Variants in BMPR2 observed in about 807,000 individuals in gnomAD.
The protein encoded by BMPR2 is bone morphogenetic protein receptor type-2.
In BMPR2, 29 loss-of-function variants were observed where a neutral mutation model predicts 100.8. The observed-to-expected ratio is 0.29, with a 90% CI of 0.21 to 0.39. The LOEUF is 0.39. Among genes scored for constraint, BMPR2 ranks in the 10% least tolerant of loss-of-function variants. The pLI is 1.00. For missense variants in BMPR2, 1,011 were observed against 1,274.5 expected (o/e 0.79, Z 3.15); for synonymous variants, 382 against 442.3 (o/e 0.86, Z 1.71).
intron 1 of BMPR2, among the ~76,000 whole-genome samples, chr2:202,390,742 T>C (rs537990553): frequency 6.6e-6 from 1 of 152,272 alleles, no homozygotes; most frequent in Non-Finnish European, 1.5e-5. Flanking sequence ...CCTTTAATTA[T>C]TAGTGGAGCC....
Position 202,415,799 on chromosome 2 carries a change from A to C in BMPR2, c.76+38249A>C, listed in dbSNP as rs371038076. On this transcript the variant is annotated intron_variant, in intron 1 of 12. Coordinates refer to ENST00000374580, the MANE Select transcript of BMPR2 (RefSeq NM_001204.7). ...TTTCAAAATATTACTGATCATTGACAATGCACCCGATCACCCAAGAGCTCT... is the reference window on the plus strand; with the variant it reads ...TTTCAAAATATTACTGATCATTGACCATGCACCCGATCACCCAAGAGCTCT... Among the ~76,000 whole-genome samples the C allele has an allele frequency of 9.2e-5, 14 of 152,336 alleles. 1 individual carries two copies. The East Asian group carries it at 1.9e-3, about 21-fold the overall frequency.
At chr2:202,391,547 G>A (rs1690549388) in intron 1 of BMPR2, among the ~76,000 whole-genome samples, 1 of 149,950 alleles carries the variant, frequency 6.7e-6, no homozygotes, top group South Asian at 2.1e-4. Flanking sequence ...TTGCCTTGGC[G>A]TCCCAAAGTC....
chr2:202,396,455 A>G (rs1690657668), intron 1 of BMPR2, among the ~76,000 whole-genome samples: 1 of 152,186 alleles, frequency 6.6e-6, no homozygotes, highest in Non-Finnish European at 1.5e-5. Context: ...TGTGCATGTA[A>G]GAGCTCAATG....
chr2:202,457,832 C>A (rs992734305), intron 1 of BMPR2, among the ~76,000 whole-genome samples: 2 of 151,984 alleles, frequency 1.3e-5, no homozygotes, highest in Admixed American at 6.6e-5. Flanking sequence ...GGGGTTCAAG[C>A]GATTCTCCTG....
intron 1 of BMPR2, among the ~76,000 whole-genome samples, chr2:202,440,527 C>T (rs539356889): frequency 2.7e-5 from 4 of 148,822 alleles, no homozygotes; most frequent in South Asian, 4.2e-4. Context: ...AGATGATGGG[C>T]GGCCAGGCAG....
intron 1 of BMPR2, among the ~76,000 whole-genome samples, chr2:202,429,901 A>C (rs755985304): frequency 1.3e-5 from 2 of 152,134 alleles, no homozygotes; most frequent in Non-Finnish European, 2.9e-5. Flanking sequence ...CCCTCCCTTG[A>C]CACGTGGGGA....
In BMPR2 at chr2:202,527,817, T is replaced by A. The variant is rs528528232; in HGVS notation, c.968-2977T>A. Among the ~76,000 whole-genome samples the A allele has an allele frequency of 3.1e-3, 466 of 151,788 alleles. 1 individual carries two copies. The highest frequency in any genetic ancestry group is 0.01 in the African/African-American group (429 of 41,478). Reference sequence around the variant, plus strand: ...TCAAAAAAAAATAATAATAAAAAAATAAATAAATAAATAAAAAATATTCCC... The same window carrying A: ...TCAAAAAAAAATAATAATAAAAAAAAAAATAAATAAATAAAAAATATTCCC... On this transcript the variant is annotated intron_variant, in intron 7 of 12. Coordinates refer to ENST00000374580, the MANE Select transcript of BMPR2 (RefSeq NM_001204.7).
intron 3 of BMPR2, among the ~76,000 whole-genome samples, chr2:202,507,027 C>T (rs556594268): frequency 2.7e-5 from 4 of 148,320 alleles, no homozygotes. Flanking sequence ...GACCCGAGAT[C>T]GTGCCATTGG....
At chr2:202,425,488 C>T (rs965633312) in intron 1 of BMPR2, among the ~76,000 whole-genome samples, 2 of 152,168 alleles carry the variant, frequency 1.3e-5, no homozygotes, top group African/African-American at 4.8e-5. Context: ...AATCTGTTTA[C>T]ACATTGAGTT....
At chr2:202,393,849 A>G in intron 1 of BMPR2, among the ~76,000 whole-genome samples, 1 of 148,060 alleles carries the variant, frequency 6.8e-6, no homozygotes, top group East Asian at 2.1e-4. Context: ...TTTGTTGTTT[A>G]GAAGATGGCA....
intron 3 of BMPR2, among the ~76,000 whole-genome samples, chr2:202,507,493 A>G (rs1687542886): frequency 6.6e-6 from 1 of 152,174 alleles, no homozygotes; most frequent in South Asian, 2.1e-4. Flanking sequence ...GGGCATGAGC[A>G]GTCCTCCTGC....
chr2:202,440,793 G>A lies in BMPR2; in HGVS notation c.77-24016G>A, dbSNP rs112226739. Among the ~76,000 whole-genome samples the A allele has an allele frequency of 4.0e-3, 606 of 150,374 alleles. 47 individuals are homozygous for A. The highest frequency in any genetic ancestry group is 0.013 in the African/African-American group (510 of 39,848). ...GCATCAGAGGGAGACCGGGGAGACC[G>A]GGGAGACCGGGGAGACTGGGGAGAG... On this transcript the variant is annotated intron_variant, in intron 1 of 12. Coordinates refer to ENST00000374580, the MANE Select transcript of BMPR2 (RefSeq NM_001204.7).
At chr2:202,477,601 AATATG>A (rs1692575605) in intron 3 of BMPR2, among the ~76,000 whole-genome samples, 1 of 152,182 alleles carries the variant, frequency 6.6e-6, no homozygotes, top group South Asian at 2.1e-4. Context: ...CAGCCTGGCC[AATATG>A]ATGAAACCCA....
chr2:202,465,070 C>G (rs905150235), intron 2 of BMPR2, 91 bp downstream of exon 2: 3 of 1,488,180 alleles, frequency 2.0e-6, no homozygotes, highest in Non-Finnish European at 2.8e-6. Context: ...AAATCCTGTT[C>G]AGAAAAACAG....
chr2:202,416,111 A>G lies in BMPR2; in HGVS notation c.76+38561A>G, dbSNP rs76162221. Among the ~76,000 whole-genome samples, 240 of 152,214 alleles carry G rather than the reference A, an allele frequency of 1.6e-3. 1 individual carries two copies. Among genetic ancestry groups the G allele is most frequent in the African/African-American group, 5.2e-3 (215 of 41,554 alleles). ...AGGAATTTGGAAGAAGTTGATTCCA[A>G]CCTTTATGGATGACTTTGATAGGTT... is the stretch of plus-strand genomic sequence containing the variant. On this transcript the variant is annotated intron_variant, in intron 1 of 12. Transcript: ENST00000374580.
chr2:202,473,516 C>T (rs1444367077), intron 3 of BMPR2, among the ~76,000 whole-genome samples: 2 of 152,130 alleles, frequency 1.3e-5, no homozygotes, highest in South Asian at 4.2e-4. Context: ...ACTGGCCAGG[C>T]GCGGTGGCTT....
rs1687768479 is a variant in BMPR2 at position 202,518,875 on chromosome 2, T to A, written c.675T>A (p.Arg225=). The A allele has an allele frequency of 6.2e-7, 1 of 1,614,102 alleles. No individual in the cohort carries two copies. The highest frequency in any genetic ancestry group is 8.5e-7 in the Non-Finnish European group (1 of 1,180,048). Residue 225 remains arginine, a synonymous_variant, in exon 6 of 13, where the codon CGT becomes CGA. Coordinates refer to ENST00000374580, the MANE Select transcript of BMPR2 (RefSeq NM_001204.7). ...GAVYKGSLDE[R]PVAVKVFSFA... ...TATATAAAGGCTCCTTGGATGAGCG[T>A]CCAGTTGCTGTAAAAGTGTTTTCCT...
rs545128566 is a variant in BMPR2 at position 202,436,376 on chromosome 2, A to T, written c.77-28433A>T. On this transcript the variant is annotated intron_variant, in intron 1 of 12. Coordinates refer to ENST00000374580, the MANE Select transcript of BMPR2 (RefSeq NM_001204.7). Reference sequence around the variant, plus strand: ...TGGGAGGATCACCTGAGCCTAGGTGATTGAGGCTGCAGTGAGCCCTGATTG... The same window carrying T: ...TGGGAGGATCACCTGAGCCTAGGTGTTTGAGGCTGCAGTGAGCCCTGATTG... Among the ~76,000 whole-genome samples the T allele has an allele frequency of 1.4e-3, 203 of 149,562 alleles. 3 individuals carry two copies. The highest frequency in any genetic ancestry group is 2.4e-3 in the Non-Finnish European group (160 of 67,834).
Position 202,492,657 on chromosome 2 carries a change from GCC to G in BMPR2, c.419-21061_419-21060del, listed in dbSNP as rs1559054710. Among the ~76,000 whole-genome samples, 4 of 126,254 alleles carry G rather than the reference GCC, an allele frequency of 3.2e-5. No homozygotes were observed. The East Asian group carries it at 9.6e-4, about 30-fold the overall frequency. 82.8% of individuals were successfully genotyped at this position (126,254 alleles called of 152,430 possible). A position where few individuals can be genotyped will look rare whatever the true frequency, so the allele number is the denominator to read the frequency against. The stretch of plus-strand genomic sequence containing the variant: ...AGAGGTTGCAGTAAACAGAGATCCC[GCC>G]ATTGCACTCTAGCCTGGGCGACAAT... On this transcript the variant is annotated intron_variant, in intron 3 of 12. Coordinates refer to ENST00000374580, the MANE Select transcript of BMPR2 (RefSeq NM_001204.7).
Sources: gnomAD v4.1 joint callset for allele counts (sites outside exome capture counted in the v4.1 genomes callset) on GRCh38, gnomAD v4.1.1 for gene constraint, MANE v1.5 for transcripts, NCBI Gene and HGNC (gene_info 2026-07-23, HGNC 2026-07-21) for gene names.